Variants in TLCD4 observed in about 807,000 individuals in gnomAD.
TLCD4 encodes the protein TLC domain containing 4.
A neutral mutation model predicts 24.2 loss-of-function variants in TLCD4; 7 were observed. That is an observed-to-expected ratio of 0.29 (90% CI 0.16 to 0.54). The LOEUF (loss-of-function observed/expected upper bound fraction) is 0.54, where lower values mean the gene tolerates loss of function less well. TLCD4 is among the 20% of genes least tolerant of loss of function. The pLI is 0.95. For synonymous variants in TLCD4, 103 were observed against 106.4 expected (o/e 0.97, Z 0.20); for missense variants, 259 against 313.9 (o/e 0.82, Z 1.32).
chr1:95,124,131 C>T (rs1480174189), intron 1 of TLCD4, among the ~76,000 whole-genome samples: 2 of 152,060 alleles, frequency 1.3e-5, no homozygotes, highest in Admixed American at 6.6e-5. Flanking sequence ...TTATATTCCC[C>T]TTTGTTTCAA....
intron 6 of TLCD4, among the ~76,000 whole-genome samples, chr1:95,184,989 T>C (rs1028699135): frequency 6.6e-6 from 1 of 152,172 alleles, no homozygotes; most frequent in Non-Finnish European, 1.5e-5. Context: ...AAGCTAACAC[T>C]ATGGTTATGA....
At chr1:95,137,156 C>T (rs1188973535) in intron 1 of TLCD4, among the ~76,000 whole-genome samples, 4 of 152,030 alleles carry the variant, frequency 2.6e-5, no homozygotes, top group Admixed American at 2.6e-4. Flanking sequence ...GGTGTTTATG[C>T]CTGATCGCCT....
intron 2 of TLCD4, among the ~76,000 whole-genome samples, chr1:95,147,121 T>C (rs1677375720): frequency 6.6e-6 from 1 of 151,640 alleles, no homozygotes; most frequent in Non-Finnish European, 1.5e-5. Flanking sequence ...TTGCCCAGGC[T>C]GGAGTACAGT....
At chr1:95,186,331 CT>C (rs1678830412) in intron 6 of TLCD4, among the ~76,000 whole-genome samples, 1 of 152,226 alleles carries the variant, frequency 6.6e-6, no homozygotes, top group African/African-American at 2.4e-5. Flanking sequence ...TCACGTCATT[CT>C]GTATTGCCTA....
chr1:95,152,465 A>G (rs1485638205), intron 5 of TLCD4, among the ~76,000 whole-genome samples: 1 of 152,070 alleles, frequency 6.6e-6, no homozygotes, highest in Non-Finnish European at 1.5e-5. Flanking sequence ...TGTTTGCAGT[A>G]AGCTTTTTTT....
At chr1:95,175,288 T>TAA (rs1678381506) in intron 6 of TLCD4, among the ~76,000 whole-genome samples, 2 of 152,204 alleles carry the variant, frequency 1.3e-5, no homozygotes, top group African/African-American at 4.8e-5. Context: ...AATGATACAG[T>TAA]GTTTATCCTT....
intron 5 of TLCD4, among the ~76,000 whole-genome samples, chr1:95,162,239 C>G (rs12065189): frequency 0.023 from 3,459 of 152,092 alleles, 131 homozygotes; most frequent in African/African-American, 0.078. Flanking sequence ...TGAATTGATT[C>G]CTTTACCATT....
chr1:95,132,452 A>C (rs557911878), intron 1 of TLCD4, among the ~76,000 whole-genome samples: 1 of 70,984 alleles, frequency 1.4e-5, no homozygotes, highest in East Asian at 3.9e-4. Context: ...GTGAGACTCC[A>C]ACTCAAAAAA....
At chr1:95,189,769 T>G (rs1678961965) in intron 6 of TLCD4, among the ~76,000 whole-genome samples, 1 of 152,246 alleles carries the variant, frequency 6.6e-6, no homozygotes, top group Admixed American at 6.5e-5. Context: ...ACTACAATGT[T>G]TGTCCATCTT....
At chr1:95,137,162 C>A (rs1677066571) in intron 1 of TLCD4, among the ~76,000 whole-genome samples, 1 of 152,072 alleles carries the variant, frequency 6.6e-6, no homozygotes, top group Non-Finnish European at 1.5e-5. Flanking sequence ...TATGCCTGAT[C>A]GCCTTCATTT....
chr1:95,122,110 TC>T (rs1229604668), intron 1 of TLCD4, among the ~76,000 whole-genome samples: 5 of 152,274 alleles, frequency 3.3e-5, no homozygotes, highest in Admixed American at 2.0e-4. Flanking sequence ...ACGCCTATAA[TC>T]CCAGCGTGGA....
intron 6 of TLCD4, among the ~76,000 whole-genome samples, chr1:95,175,753 GTTTTTC>G (rs1678399297): frequency 6.6e-6 from 1 of 151,492 alleles, no homozygotes; most frequent in African/African-American, 2.4e-5. Context: ...TATGTCATGT[GTTTTTC>G]TTTTTCTTTT....
At chr1:95,167,326 T>C (rs976565017) in intron 5 of TLCD4, among the ~76,000 whole-genome samples, 24 of 152,116 alleles carry the variant, frequency 1.6e-4, no homozygotes, top group African/African-American at 5.3e-4. Context: ...CCTCCCAAAA[T>C]GTAATTGCTT....
At chr1:95,110,842 C>T in the TLCD4 span, among the ~76,000 whole-genome samples, 1 of 122,312 alleles carries the variant, frequency 8.2e-6, no homozygotes, top group South Asian at 2.6e-4. Flanking sequence ...GGCAACACGG[C>T]AAGATTCTGT....
chr1:95,110,866 T>TAAAAAAAAAAAA, the TLCD4 span, among the ~76,000 whole-genome samples: 1 of 119,564 alleles, frequency 8.4e-6, no homozygotes, highest in Admixed American at 8.5e-5. Flanking sequence ...AAAAGAAAAG[T>TAAAAAAAAAAAA]AAAAAAAAAA....
rs946860556 is a variant in TLCD4 at position 95,177,172 on chromosome 1, A to G, written c.473+3283A>G. 2.0e-5 allele frequency among the ~76,000 whole-genome samples: 3 copies of G among 152,212 alleles called. No homozygotes were observed. In the South Asian group the frequency reaches 6.2e-4, roughly 32 times the overall value. On this transcript the variant is annotated intron_variant, in intron 6 of 6. Coordinates refer to ENST00000370203, the MANE Select transcript of TLCD4 (RefSeq NM_152487.3). ...TGCCTTCAGCCTCTTTTTTAAAATT[A>G]TTCATTAGAATCAGTTTTCTATCCT... is the stretch of plus-strand genomic sequence containing the variant.
At chr1:95,146,504 C>T (rs1677353155) in intron 2 of TLCD4, among the ~76,000 whole-genome samples, 1 of 151,950 alleles carries the variant, frequency 6.6e-6, no homozygotes. Flanking sequence ...CCTTAGAGTG[C>T]TATCCCTTTA....
chr1:95,125,358 C>G (rs553067731), intron 1 of TLCD4, among the ~76,000 whole-genome samples: 1 of 152,282 alleles, frequency 6.6e-6, no homozygotes, highest in Non-Finnish European at 1.5e-5. Context: ...GATTTTTTGA[C>G]TGTCTGGCAG....
At chr1:95,156,406 A>T (rs922956804) in intron 5 of TLCD4, among the ~76,000 whole-genome samples, 1 of 149,884 alleles carries the variant, frequency 6.7e-6, no homozygotes, top group African/African-American at 2.4e-5. Context: ...GTACATATGG[A>T]TGAGTAAGAT....
Sources: allele counts gnomAD v4.1 joint callset (sites outside exome capture counted in the v4.1 genomes callset), GRCh38; gene constraint gnomAD v4.1.1; transcripts MANE v1.5; gene names NCBI Gene and HGNC (gene_info 2026-07-23, HGNC 2026-07-21).